MCF2: variants seen among roughly 807,000 people sequenced by gnomAD.
MCF2 encodes proto-oncogene DBL.
MCF2 carries 44 observed loss-of-function variants against 82.5 expected under a neutral mutation model. The ratio of observed to expected loss-of-function variants is 0.53; its 90% CI spans 0.42 to 0.69. MCF2 has a LOEUF of 0.69. MCF2 is among the 30% of genes least tolerant of loss of function. MCF2 has a pLI of 0.00. For synonymous variants in MCF2, 217 were observed against 224.9 expected, an observed-to-expected ratio of 0.96 and a Z score of 0.32; for missense variants, 623 against 663.1, an observed-to-expected ratio of 0.94 and a Z score of 0.66.
intron 12 of MCF2, among the ~76,000 whole-genome samples, chrX:139,606,016 C>CATATATATAT (rs71534302): frequency 1.0e-5 from 1 of 96,768 alleles, no homozygotes; most frequent in Non-Finnish European, 2.0e-5. Context: ...ATATATATAA[C>CATATATATAT]ATATATATAT....
At chrX:139,610,211 G>T in intron 11 of MCF2, 90 bp downstream of exon 15, 1 of 576,819 alleles carries the variant, frequency 1.7e-6, no homozygotes. Context: ...CACAATATTT[G>T]TCTAGTGAAT....
At chrX:139,596,723 G>A (rs770148497) in exon 19 of MCF2, 3 of 1,207,430 alleles carry the variant, frequency 2.5e-6, no homozygotes, top group African/African-American at 1.8e-5. Flanking sequence ...CTATCCAAAC[G>A]CTGAATCCAC....
At chrX:139,674,732 C>A (rs746961465) in intron 1 of MCF2, among the ~76,000 whole-genome samples, 25 of 111,700 alleles carry the variant, frequency 2.2e-4, no homozygotes, top group Middle Eastern at 4.6e-3. Flanking sequence ...GTAACCCAAC[C>A]TTTCTCTCTG....
chrX:139,637,474 G>C (rs1414775812), intron 1 of MCF2, among the ~76,000 whole-genome samples: 1 of 111,355 alleles, frequency 9.0e-6, no homozygotes, highest in African/African-American at 3.3e-5. Context: ...TGACATTTAT[G>C]ACTACTTTTC....
chrX:139,659,269 G>A (rs1253929157), intron 1 of MCF2, among the ~76,000 whole-genome samples: 3 of 108,421 alleles, frequency 2.8e-5, no homozygotes, highest in African/African-American at 1.0e-4. Context: ...CCTGGTGACA[G>A]AGCAAGACTT....
chrX:139,656,064 T>C (rs1934187492), intron 1 of MCF2, among the ~76,000 whole-genome samples: 1 of 111,727 alleles, frequency 9.0e-6, no homozygotes, highest in African/African-American at 3.3e-5. Context: ...GTTTGTTTTG[T>C]TTTTGTTTTT....
At position 139,603,610 on chromosome X, in the gene MCF2, C is replaced by A. The variant is rs1930734250; in HGVS notation, c.1743+1071G>T. Among the ~76,000 whole-genome samples, 3 of 111,960 alleles carry A rather than the reference C, an allele frequency of 2.7e-5. No homozygotes were observed. In the Admixed American group the frequency reaches 2.8e-4, roughly 11 times the overall value. On this transcript the variant is annotated intron_variant, in intron 15 of 24. Transcript: ENST00000370576. Reference sequence around the variant, plus strand: ...CAACACTTTGGGAGGCTGAGGTGGGCAGATCACGAGGTCAGGAGATCGAGA... The same window carrying A: ...CAACACTTTGGGAGGCTGAGGTGGGAAGATCACGAGGTCAGGAGATCGAGA...
chrX:139,657,463 A>C (rs1934230744), intron 1 of MCF2, among the ~76,000 whole-genome samples: 1 of 112,513 alleles, frequency 8.9e-6, no homozygotes, highest in Non-Finnish European at 1.9e-5. Context: ...AACATGGATC[A>C]TCTCAATACA....
chrX:139,656,661 T>G (rs1934210498), intron 1 of MCF2, among the ~76,000 whole-genome samples: 1 of 112,285 alleles, frequency 8.9e-6, no homozygotes, highest in Non-Finnish European at 1.9e-5. Flanking sequence ...GAGGTAAGAT[T>G]GTTGCTGAGA....
intron 10 of MCF2, among the ~76,000 whole-genome samples, chrX:139,613,671 C>G (rs1179655591): frequency 4.5e-5 from 5 of 111,154 alleles, no homozygotes; most frequent in Admixed American, 9.6e-5. Context: ...TAACCGAGGT[C>G]TGTCTTCTGC....
At chrX:139,663,096 T>C (rs777971520) in intron 1 of MCF2, among the ~76,000 whole-genome samples, 1 of 112,394 alleles carries the variant, frequency 8.9e-6, no homozygotes, top group Non-Finnish European at 1.9e-5. Flanking sequence ...AATGCTGCAA[T>C]AAACATGTGA....
At chrX:139,708,054 C>T (rs1162496139) in intron 1 of MCF2, 52 bp downstream of exon 1, 4 of 111,663 alleles carry the variant, frequency 3.6e-5, no homozygotes, top group African/African-American at 1.3e-4. Flanking sequence ...GACTGACCCA[C>T]TCATTGCCCC....
chrX:139,690,338 G>GTTTTTTT (rs145515088), intron 1 of MCF2, among the ~76,000 whole-genome samples: 1 of 75,730 alleles, frequency 1.3e-5, no homozygotes, highest in Non-Finnish European at 2.4e-5. Context: ...CTCCAAAGGA[G>GTTTTTTT]TTTTTTTTTT....
chrX:139,620,107 T>C (rs1932243907), intron 6 of MCF2, among the ~76,000 whole-genome samples: 1 of 108,286 alleles, frequency 9.2e-6, no homozygotes, highest in Non-Finnish European at 1.9e-5. Context: ...ATTCCCCAGC[T>C]CTCTGGTGAA....
intron 1 of MCF2, among the ~76,000 whole-genome samples, chrX:139,701,781 A>T (rs1371157315): frequency 8.9e-6 from 1 of 112,846 alleles, no homozygotes; most frequent in South Asian, 3.7e-4. Flanking sequence ...AAGCACACAC[A>T]TAAGATTCTA....
intron 4 of MCF2, among the ~76,000 whole-genome samples, chrX:139,627,791 GCAA>G (rs1042119029): frequency 1.8e-5 from 2 of 111,690 alleles, no homozygotes; most frequent in Non-Finnish European, 1.9e-5. Flanking sequence ...TACAGAAACT[GCAA>G]CTCAGAAAAG....
At chrX:139,662,861 A>G (rs950135759) in intron 1 of MCF2, among the ~76,000 whole-genome samples, 2 of 111,169 alleles carry the variant, frequency 1.8e-5, no homozygotes, top group Admixed American at 9.5e-5. Flanking sequence ...CATGTGATGA[A>G]TTTTTTAGCT....
chrX:139,651,864 T>C (rs773928221), intron 1 of MCF2, 76 bp from the exon 2 acceptor site: 10 of 594,225 alleles, frequency 1.7e-5, no homozygotes, highest in East Asian at 1.1e-4. Context: ...ACATGATTTC[T>C]CACTGTGTCT....
intron 1 of MCF2, among the ~76,000 whole-genome samples, chrX:139,656,315 G>A (rs1934198612): frequency 8.9e-6 from 1 of 111,733 alleles, no homozygotes. Flanking sequence ...GCCCGCCTCG[G>A]CCTCCCAAAG....
Sources: gnomAD v4.1 joint callset for allele counts (sites outside exome capture counted in the v4.1 genomes callset) on GRCh38, gnomAD v4.1.1 for gene constraint, MANE v1.5 for transcripts, NCBI Gene and HGNC (gene_info 2026-07-23, HGNC 2026-07-21) for gene names.